Variants in SPPL2A observed in about 807,000 individuals in gnomAD.
SPPL2A encodes the protein signal peptide peptidase-like 2A.
Under a neutral mutation model 63.8 loss-of-function variants are expected in SPPL2A, and 51 were observed. That is an observed-to-expected ratio of 0.80 (90% CI 0.64 to 1.01). The LOEUF is 1.01. Among genes scored for constraint, SPPL2A ranks in the 50% least tolerant of loss-of-function variants. SPPL2A has a pLI of 0.00. For synonymous variants in SPPL2A, 188 were observed against 205.8 expected (o/e 0.91, Z 0.74); for missense variants, 553 against 622.7 (o/e 0.89, Z 1.19).
chr15:50,717,119 C>G (rs530080673), intron 14 of SPPL2A, among the ~76,000 whole-genome samples: 1 of 152,288 alleles, frequency 6.6e-6, no homozygotes, highest in East Asian at 1.9e-4. Context: ...TAACTTTGTT[C>G]ACGTCTTTCC....
chr15:50,736,951 G>A (rs768486299), intron 6 of SPPL2A, among the ~76,000 whole-genome samples: 28 of 150,596 alleles, frequency 1.9e-4, no homozygotes, highest in African/African-American at 5.8e-4. Context: ...TCGCCCAGTC[G>A]CCCAGGCTGG....
chr15:50,726,359 C>T lies in SPPL2A; in HGVS notation c.1108G>A (p.Val370Ile), dbSNP rs149311149. Residue 370 changes from valine to isoleucine, a missense_variant, in exon 11 of 15, where the codon GTT becomes ATT. Val to Ile is a conservative substitution (Grantham distance 29). Coordinates refer to ENST00000261854, the MANE Select transcript of SPPL2A (RefSeq NM_032802.4). ...CCAAAAGGTCCAGCTGCGAGTTCAA[C>T]CATGATACTCTCACCATTCTAAAAT... Reference protein sequence around the residue: ...FITKNGESIMVELAAGPFGNN... With the variant: ...FITKNGESIMIELAAGPFGNN... 1 of 1,613,972 alleles carries T rather than the reference C, an allele frequency of 6.2e-7. No homozygotes were observed. Among genetic ancestry groups the T allele is most frequent in the East Asian group, 2.2e-5 (1 of 44,872 alleles).
At chr15:50,730,448 C>CG (rs1450475765) in intron 10 of SPPL2A, among the ~76,000 whole-genome samples, 1 of 152,036 alleles carries the variant, frequency 6.6e-6, no homozygotes. Flanking sequence ...CAGAAGGCTT[C>CG]GGTTGGGTTC....
At chr15:50,726,897 C>G (rs146941620) in intron 10 of SPPL2A, among the ~76,000 whole-genome samples, 4 of 152,258 alleles carry the variant, frequency 2.6e-5, no homozygotes, top group African/African-American at 4.8e-5. Context: ...AAACCAAACT[C>G]GAAAAGACCC....
At chr15:50,753,737 G>A (rs572114033) in intron 1 of SPPL2A, among the ~76,000 whole-genome samples, 16 of 152,246 alleles carry the variant, frequency 1.1e-4, no homozygotes, top group African/African-American at 3.6e-4. Context: ...GTGGTTACTT[G>A]GGTCCTGGTG....
chr15:50,712,675 C>CT (rs2062568625), intron 14 of SPPL2A, among the ~76,000 whole-genome samples: 1 of 134,152 alleles, frequency 7.5e-6, no homozygotes, highest in Non-Finnish European at 1.6e-5. Flanking sequence ...CTCCCTCCCC[C>CT]CCCCTTTTTT....
chr15:50,758,307 A>C (rs1171388975), intron 1 of SPPL2A, among the ~76,000 whole-genome samples: 11 of 150,808 alleles, frequency 7.3e-5, no homozygotes, highest in African/African-American at 2.7e-4. Flanking sequence ...AAAAAGAACA[A>C]TTTTAATGTT....
At chr15:50,757,455 A>G (rs1013679586) in intron 1 of SPPL2A, among the ~76,000 whole-genome samples, 10 of 152,046 alleles carry the variant, frequency 6.6e-5, no homozygotes, top group African/African-American at 2.2e-4. Context: ...TCCTTTCCCT[A>G]TGACAAATGC....
intron 6 of SPPL2A, among the ~76,000 whole-genome samples, chr15:50,738,125 A>G (rs1371820651): frequency 6.6e-6 from 1 of 152,188 alleles, no homozygotes; most frequent in Non-Finnish European, 1.5e-5. Context: ...CAGAGGTTGC[A>G]GTGAACCCAG....
chr15:50,732,531 G>T, intron 9 of SPPL2A, 72 bp downstream of exon 9: 1 of 903,504 alleles, frequency 1.1e-6, no homozygotes, highest in Non-Finnish European at 1.7e-6. Context: ...TTAATTGTAG[G>T]TAAATTATGC....
Position 50,719,928 on chromosome 15 carries a change from A to G in SPPL2A, c.1488+12T>C. The G allele has an allele frequency of 3.8e-6, 6 of 1,599,102 alleles. No individual in the cohort carries two copies. The highest frequency in any genetic ancestry group is 5.1e-6 in the Non-Finnish European group (6 of 1,173,644). On this transcript the variant is annotated intron_variant, in intron 14 of 14. Coordinates refer to ENST00000261854, the MANE Select transcript of SPPL2A (RefSeq NM_032802.4). The stretch of plus-strand genomic sequence containing the variant: ...CATAAGATAACTTGGTAACCAAAGT[A>G]TAAGCACATACCTGATAGCTGTTAC...
At chr15:50,753,542 T>C (rs183314782) in intron 1 of SPPL2A, among the ~76,000 whole-genome samples, 76 of 152,348 alleles carry the variant, frequency 5.0e-4, no homozygotes, top group African/African-American at 1.7e-3. Context: ...TTTTAACCTA[T>C]CTTAAGTTTC....
Position 50,731,081 on chromosome 15 carries a change from AT to A in SPPL2A, c.1015-43del, listed in dbSNP as rs1278209158. On this transcript the variant is annotated intron_variant, in intron 9 of 14. Coordinates refer to ENST00000261854, the MANE Select transcript of SPPL2A (RefSeq NM_032802.4). ...CAAAATTAAAGGTCAATCTTCCTAA[AT>A]GTAAATGAAGGCATTAAATTGTTTT... is the stretch of plus-strand genomic sequence containing the variant. The A allele has an allele frequency of 4.7e-6, 4 of 848,012 alleles. No homozygotes were observed. The African/African-American group carries it at 6.8e-5, about 14-fold the overall frequency. 52.5% of individuals were successfully genotyped at this position (848,012 alleles called of 1,614,324 possible). A position where few individuals can be genotyped will look rare whatever the true frequency, so the allele number is the denominator to read the frequency against.
intron 10 of SPPL2A, among the ~76,000 whole-genome samples, chr15:50,728,149 G>T (rs1408965495): frequency 6.6e-6 from 1 of 152,086 alleles, no homozygotes; most frequent in Non-Finnish European, 1.5e-5. Flanking sequence ...AAACAGTTTA[G>T]TTACAGTTTA....
chr15:50,760,274 T>G (rs2062998303), intron 1 of SPPL2A, among the ~76,000 whole-genome samples: 1 of 152,016 alleles, frequency 6.6e-6, no homozygotes, highest in African/African-American at 2.4e-5. Context: ...TTTTTTTTAT[T>G]TCCCCCAAGA....
At chr15:50,724,961 G>A (rs1206385287) in intron 12 of SPPL2A, among the ~76,000 whole-genome samples, 2 of 152,104 alleles carry the variant, frequency 1.3e-5, no homozygotes, top group South Asian at 2.1e-4. Flanking sequence ...ATACTTTCTT[G>A]AAGAAGAAGG....
intron 14 of SPPL2A, among the ~76,000 whole-genome samples, chr15:50,711,643 G>A (rs2062559671): frequency 6.6e-6 from 1 of 152,152 alleles, no homozygotes. Flanking sequence ...TACAAGTGAG[G>A]TATAAGTTGC....
chr15:50,730,875 A>G (rs972459860), intron 10 of SPPL2A, 90 bp downstream of exon 10: 1 of 644,696 alleles, frequency 1.6e-6, no homozygotes, highest in Non-Finnish European at 2.8e-6. Flanking sequence ...ACTCAGTGGT[A>G]AACATCTGCA....
intron 14 of SPPL2A, among the ~76,000 whole-genome samples, chr15:50,711,036 C>A (rs1414167003): frequency 1.3e-5 from 2 of 152,030 alleles, no homozygotes; most frequent in Non-Finnish European, 2.9e-5. Flanking sequence ...AAAAAAGTAT[C>A]TTTATTTGCT....
Sources: allele counts gnomAD v4.1 joint callset (sites outside exome capture counted in the v4.1 genomes callset), GRCh38; gene constraint gnomAD v4.1.1; transcripts MANE v1.5; gene names NCBI Gene and HGNC (gene_info 2026-07-23, HGNC 2026-07-21).